The following TXNDC8 variants were observed in gnomAD, a reference collection of about 807,000 sequenced individuals.
The protein encoded by TXNDC8 is thioredoxin domain-containing protein 8.
TXNDC8 carries 15 observed loss-of-function variants against 12.9 expected under a neutral mutation model. The observed-to-expected ratio is 1.16, with a 90% CI of 0.78 to 1.79. The LOEUF is 1.79. Among genes scored for constraint, TXNDC8 ranks in the 40% most tolerant of loss-of-function variants. The pLI is 0.00. For synonymous variants in TXNDC8, 40 were observed against 35.4 expected, an observed-to-expected ratio of 1.13 and a Z score of -0.46; for missense variants, 128 against 113.2, an observed-to-expected ratio of 1.13 and a Z score of -0.59.
At chr9:110,332,148 C>A (rs967092539) in intron 2 of TXNDC8, among the ~76,000 whole-genome samples, 4 of 152,186 alleles carry the variant, frequency 2.6e-5, no homozygotes, top group Non-Finnish European at 5.9e-5. Flanking sequence ...TCAAGGAGAT[C>A]CTCTTTCCTA....
chr9:110,303,666 A>T lies in TXNDC8; in HGVS notation c.*16T>A. 1.2e-6 allele frequency: 2 copies of T among 1,601,576 alleles called. No homozygotes were observed. Among genetic ancestry groups the T allele is most frequent in the Non-Finnish European group, 1.7e-6 (2 of 1,172,610 alleles). On this transcript the variant is annotated 3_prime_UTR_variant, in exon 5 of 5. Transcript: ENST00000423740. ...GAGGCTTTAAGGAATTTTATTCCTG[A>T]TTGAAAAGTTAAATCCTACTCATTT...
intron 4 of TXNDC8, among the ~76,000 whole-genome samples, chr9:110,304,221 G>T (rs1259069334): frequency 3.9e-5 from 6 of 152,168 alleles, no homozygotes; most frequent in African/African-American, 1.4e-4. Flanking sequence ...GTTGGGATTG[G>T]GTGAAAACTT....
chr9:110,329,128 G>GTTGAT, intron 2 of TXNDC8, 104 bp downstream of exon 3: 1 of 971,754 alleles, frequency 1.0e-6, no homozygotes, highest in South Asian at 1.5e-5. Flanking sequence ...TAAAATTCTA[G>GTTGAT]TTGATTTTAA....
At chr9:110,304,940 G>T (rs1243334486) in intron 3 of TXNDC8, among the ~76,000 whole-genome samples, 1 of 152,008 alleles carries the variant, frequency 6.6e-6, no homozygotes, top group Non-Finnish European at 1.5e-5. Flanking sequence ...TTGAGATCAG[G>T]AGTTTGAAAC....
intron 2 of TXNDC8, 147 bp from the exon 3 acceptor site, chr9:110,329,438 G>C (rs747178784): frequency 1.6e-6 from 1 of 638,722 alleles, no homozygotes. Flanking sequence ...CTACAGCCTA[G>C]AGCCTGAAGC....
intron 3 of TXNDC8, chr9:110,323,857 T>C (rs753533196): frequency 6.5e-7 from 1 of 1,549,170 alleles, no homozygotes; most frequent in South Asian, 1.2e-5. Context: ...TCCAGTGATA[T>C]CAAAGGAGAA....
intron 3 of TXNDC8, among the ~76,000 whole-genome samples, chr9:110,318,050 C>T (rs1375276614): frequency 6.6e-6 from 1 of 152,166 alleles, no homozygotes. Flanking sequence ...ATTGCCATGG[C>T]CTGTTGTGTA....
chr9:110,303,417 G>A, downstream of TXNDC8: 1 of 1,311,340 alleles, frequency 7.6e-7, no homozygotes. Context: ...AGCATTAGGA[G>A]AGAGACCAGT....
intron 1 of TXNDC8, among the ~76,000 whole-genome samples, chr9:110,336,214 G>A (rs1315308615): frequency 6.6e-6 from 1 of 152,080 alleles, no homozygotes; most frequent in Admixed American, 6.6e-5. Context: ...TTTCTTCATA[G>A]CAGTATGCAA....
At chr9:110,309,609 T>C (rs1838586364) in intron 3 of TXNDC8, among the ~76,000 whole-genome samples, 1 of 152,226 alleles carries the variant, frequency 6.6e-6, no homozygotes, top group Admixed American at 6.5e-5. Context: ...GTGCTGGGAT[T>C]ACAGGCGTGA....
chr9:110,303,565 C>G lies in TXNDC8; in HGVS notation c.*117G>C. The G allele has an allele frequency of 1.3e-6, 2 of 1,536,966 alleles. No individual in the cohort carries two copies. The highest frequency in any genetic ancestry group is 1.8e-6 in the Non-Finnish European group (2 of 1,136,180). On this transcript the variant is annotated 3_prime_UTR_variant, in exon 5 of 5. Coordinates refer to ENST00000423740, the MANE Select transcript of TXNDC8 (RefSeq NM_001286946.2). Reference sequence around the variant, plus strand: ...TTGGCTTCCAATTTTTTAGCATCGGCTCCACAAAACTCAAAAATCTGTTCA... The same window carrying G: ...TTGGCTTCCAATTTTTTAGCATCGGGTCCACAAAACTCAAAAATCTGTTCA...
At chr9:110,322,126 G>T (rs547880783) in intron 3 of TXNDC8, among the ~76,000 whole-genome samples, 1 of 151,920 alleles carries the variant, frequency 6.6e-6, no homozygotes, top group Non-Finnish European at 1.5e-5. Context: ...ATATGATTAC[G>T]ATGTACAAAA....
chr9:110,302,764 G>C (rs886145965), downstream of TXNDC8, among the ~76,000 whole-genome samples: 1 of 151,808 alleles, frequency 6.6e-6, no homozygotes, highest in Non-Finnish European at 1.5e-5. Context: ...AAATGACACA[G>C]TTCAAACATA....
chr9:110,314,887 A>T (rs1028776443), intron 3 of TXNDC8, among the ~76,000 whole-genome samples: 2 of 152,160 alleles, frequency 1.3e-5, no homozygotes, highest in Non-Finnish European at 2.9e-5. Context: ...TCCTCAAGGC[A>T]CTGCTGCAAC....
At chr9:110,327,256 T>C (rs994884531) in intron 2 of TXNDC8, among the ~76,000 whole-genome samples, 1 of 152,046 alleles carries the variant, frequency 6.6e-6, no homozygotes. Flanking sequence ...ATTCCAATCC[T>C]GGATATATAC....
In TXNDC8 at chr9:110,334,276, T is replaced by C. The variant is rs1166376809; in HGVS notation, c.69A>G (p.Ala23=). The change falls in exon 2 of 5, where the codon GCA becomes GCG. Residue 23 remains alanine, a synonymous_variant. Coordinates refer to ENST00000423740, the MANE Select transcript of TXNDC8 (RefSeq NM_001286946.2). ...ACCGTTTCGAAGAAAATTGAACCACTGCGAGTTTGTGTCCGGCAGCTGTCA... is the reference window on the plus strand; with the variant it reads ...ACCGTTTCGAAGAAAATTGAACCACCGCGAGTTTGTGTCCGGCAGCTGTCA... The C allele has an allele frequency of 1.2e-6, 2 of 1,613,998 alleles. No homozygotes were observed. Among genetic ancestry groups the C allele is most frequent in the Non-Finnish European group, 1.7e-6 (2 of 1,179,870 alleles).
At chr9:110,309,936 CAATAATCTAAGTTCCTTATT>C (rs1838601950) in intron 3 of TXNDC8, among the ~76,000 whole-genome samples, 1 of 142,796 alleles carries the variant, frequency 7.0e-6, no homozygotes, top group Non-Finnish European at 1.6e-5. Context: ...AGTGGGAAAC[CAATAATCTAAGTTCCTTATT>C]AATAATCTCA....
chr9:110,329,146 A>G, intron 2 of TXNDC8, 86 bp downstream of exon 3: 1 of 1,120,522 alleles, frequency 8.9e-7, no homozygotes, highest in Non-Finnish European at 1.3e-6. Flanking sequence ...TAAATTGGTC[A>G]TGTATTAATA....
chr9:110,329,279 T>A, intron 2 of TXNDC8: 1 of 1,609,230 alleles, frequency 6.2e-7, no homozygotes, highest in Non-Finnish European at 8.5e-7. Flanking sequence ...TTTTGGTATT[T>A]CACAGACATA....
Sources: gnomAD v4.1 joint callset for allele counts (sites outside exome capture counted in the v4.1 genomes callset) on GRCh38, gnomAD v4.1.1 for gene constraint, MANE v1.5 for transcripts, NCBI Gene and HGNC (gene_info 2026-07-23, HGNC 2026-07-21) for gene names.